Variants in SMG6 observed in about 807,000 individuals in gnomAD.
SMG6 encodes the protein SMG6 nonsense mediated mRNA decay factor.
A neutral mutation model predicts 142.2 loss-of-function variants in SMG6; 66 were observed. The ratio of observed to expected loss-of-function variants is 0.46; its 90% CI spans 0.38 to 0.57. The LOEUF (loss-of-function observed/expected upper bound fraction) is 0.57. Ranked by LOEUF, SMG6 falls within the 20% of genes least tolerant of loss-of-function variation. The probability of loss-of-function intolerance (pLI) is 0.00; values close to 1 mark genes in which losing one functional copy is unlikely to be tolerated. For synonymous variants in SMG6, 779 were observed against 702.4 expected (o/e 1.11, Z -1.72); for missense variants, 1,793 against 1,832.0 (o/e 0.98, Z 0.39).
intron 8 of SMG6, chr17:2,280,699 G>C (rs1404029636): frequency 2.2e-5 from 13 of 586,652 alleles, no homozygotes; most frequent in Non-Finnish European, 2.8e-5. Context: ...TTCATCAATA[G>C]TTTAGAAAAC....
intron 9 of SMG6, 130 bp downstream of exon 9, chr17:2,244,528 G>A (rs953646826): frequency 3.0e-6 from 2 of 666,746 alleles, no homozygotes; most frequent in African/African-American, 3.6e-5. Context: ...GGGAAGAGAA[G>A]AGAAGGTGGA....
intron 13 of SMG6, among the ~76,000 whole-genome samples, chr17:2,167,429 A>C (rs1338977170): frequency 1.3e-5 from 2 of 152,220 alleles, no homozygotes; most frequent in Non-Finnish European, 2.9e-5. Flanking sequence ...AAATTACTGA[A>C]GAAAAGAATA....
At chr17:2,199,039 G>A (rs762441390) in intron 10 of SMG6, among the ~76,000 whole-genome samples, 7 of 150,654 alleles carry the variant, frequency 4.6e-5, no homozygotes, top group African/African-American at 1.5e-4. Flanking sequence ...GAACGTCATC[G>A]TCAAGGCCGT....
At chr17:2,159,233 C>T (rs2071100967) in intron 13 of SMG6, among the ~76,000 whole-genome samples, 2 of 152,052 alleles carry the variant, frequency 1.3e-5, no homozygotes, top group African/African-American at 4.8e-5. Context: ...CCAGTCTGGC[C>T]AACATGGTGA....
chr17:2,231,030 C>G (rs2073476813), intron 10 of SMG6, among the ~76,000 whole-genome samples: 2 of 152,266 alleles, frequency 1.3e-5, no homozygotes, highest in South Asian at 4.1e-4. Context: ...ACACAGCTAA[C>G]TCAAGCCTAA....
chr17:2,210,759 TA>T (rs200480464), intron 10 of SMG6, among the ~76,000 whole-genome samples: 1 of 123,336 alleles, frequency 8.1e-6, no homozygotes, highest in East Asian at 2.2e-4. Context: ...GCAAAAGCTT[TA>T]AAAAAAAATA....
intron 13 of SMG6, among the ~76,000 whole-genome samples, chr17:2,133,215 G>C (rs1276868964): frequency 6.6e-6 from 1 of 152,132 alleles, no homozygotes; most frequent in Non-Finnish European, 1.5e-5. Flanking sequence ...CTGCACTCCA[G>C]TGTGGGTGAC....
At chr17:2,176,089 A>G (rs1241165240) in intron 12 of SMG6, among the ~76,000 whole-genome samples, 1 of 152,332 alleles carries the variant, frequency 6.6e-6, no homozygotes, top group East Asian at 1.9e-4. Flanking sequence ...AAAAGTTAAG[A>G]TATTTGCAAA....
At position 2,282,767 on chromosome 17, in the gene SMG6, T is replaced by C; in HGVS notation, c.2541A>G (p.Gly847=). The change falls in exon 8 of 19, where the codon GGA becomes GGG. Residue 847 remains glycine (G), a synonymous_variant. Transcript: ENST00000263073. ...KGKKSTFRHV[G]DDTTRLEIWI... Reference sequence around the variant, plus strand: ...AGATCTCCAGGCGAGTGGTGTCATCTCCAACATGCCGGAAAGTAGACTTCT... The same window carrying C: ...AGATCTCCAGGCGAGTGGTGTCATCCCCAACATGCCGGAAAGTAGACTTCT... 6.2e-7 allele frequency: 1 copy of C among 1,614,192 alleles called. No individual in the cohort carries two copies. Among genetic ancestry groups the C allele is most frequent in the Non-Finnish European group, 8.5e-7 (1 of 1,180,038 alleles).
chr17:2,267,328 C>T (rs532750765), intron 8 of SMG6, among the ~76,000 whole-genome samples: 6 of 151,800 alleles, frequency 4.0e-5, no homozygotes, highest in Admixed American at 6.6e-5. Context: ...CTCAGGCTCC[C>T]GAGTAACTAG....
chr17:2,150,739 T>C (rs1421634628), intron 13 of SMG6, among the ~76,000 whole-genome samples: 3 of 152,242 alleles, frequency 2.0e-5, no homozygotes, highest in Admixed American at 6.5e-5. Context: ...ATACAAAGTA[T>C]GACTCTAAGG....
chr17:2,192,061 C>A (rs530405996), intron 10 of SMG6, among the ~76,000 whole-genome samples: 1 of 152,374 alleles, frequency 6.6e-6, no homozygotes, highest in East Asian at 1.9e-4. Flanking sequence ...TGCGACGGTG[C>A]TGCCAAAGCA....
chr17:2,186,706 C>A lies in SMG6; in HGVS notation c.3112G>T (p.Asp1038Tyr). Reference sequence around the variant, plus strand: ...GATGTGGGAGGAGGATTCCAGGTGTCCGGGTAGCCGAGCATCCAATCTGAC... The same window carrying A: ...GATGTGGGAGGAGGATTCCAGGTGTACGGGTAGCCGAGCATCCAATCTGAC... ...VWSDWMLGYPDTWNPPPTSLD... is the reference protein window; with the variant it reads ...VWSDWMLGYPYTWNPPPTSLD... The change falls in exon 12 of 19, where the codon GAC (aspartate) becomes TAC (tyrosine). Residue 1038 changes from aspartate to tyrosine, a missense_variant. By Grantham distance (160) the Asp-to-Tyr change is radical (BLOSUM62 -3). Around this residue, in one of 3 missense-constraint regions of SMG6, gnomAD observed 1,597 missense variants for 1,584.6 expected, o/e 1.01. Coordinates refer to ENST00000263073, the MANE Select transcript of SMG6 (RefSeq NM_017575.5). 6.2e-7 allele frequency: 1 copy of A among 1,614,188 alleles called. No homozygotes were observed.
chr17:2,158,815 G>A (rs1415818969), intron 13 of SMG6, among the ~76,000 whole-genome samples: 1 of 149,906 alleles, frequency 6.7e-6, no homozygotes, highest in African/African-American at 2.5e-5. Context: ...TACTGGGGAG[G>A]CTAAGGTGGG....
chr17:2,250,698 A>T (rs1347319185), intron 8 of SMG6, among the ~76,000 whole-genome samples: 2 of 152,148 alleles, frequency 1.3e-5, no homozygotes, highest in Non-Finnish European at 2.9e-5. Flanking sequence ...ATATTTTTAA[A>T]AAAACAAAAC....
At chr17:2,130,722 A>C (rs1383934650) in intron 13 of SMG6, among the ~76,000 whole-genome samples, 1 of 151,680 alleles carries the variant, frequency 6.6e-6, no homozygotes, top group Non-Finnish European at 1.5e-5. Flanking sequence ...TCTTGGTAAT[A>C]TTTTAACCTA....
At chr17:2,104,169 T>C (rs998410851) in intron 13 of SMG6, among the ~76,000 whole-genome samples, 6 of 152,026 alleles carry the variant, frequency 3.9e-5, no homozygotes, top group African/African-American at 1.5e-4. Context: ...GCCAGGATGG[T>C]CTTGATCTCC....
intron 13 of SMG6, among the ~76,000 whole-genome samples, chr17:2,142,388 T>C (rs2070508493): frequency 6.6e-6 from 1 of 152,172 alleles, no homozygotes; most frequent in Non-Finnish European, 1.5e-5. Flanking sequence ...CTCATGCCTG[T>C]AATCCCAGCA....
chr17:2,191,769 A>G (rs2072171436), intron 10 of SMG6, among the ~76,000 whole-genome samples: 1 of 152,146 alleles, frequency 6.6e-6, no homozygotes, highest in South Asian at 2.1e-4. Context: ...GCTCCTATGT[A>G]ACAGGGAGAC....
Sources: gnomAD v4.1 joint callset for allele counts (sites outside exome capture counted in the v4.1 genomes callset) on GRCh38, gnomAD v4.1.1 for gene constraint, gnomAD v4.1.1 regional missense constraint, MANE v1.5 for transcripts, NCBI Gene and HGNC (gene_info 2026-07-23, HGNC 2026-07-21) for gene names.